TOP3A: variants seen among roughly 807,000 people sequenced by gnomAD.
TOP3A encodes DNA topoisomerase III alpha.
A neutral mutation model predicts 111.3 loss-of-function variants in TOP3A; 64 were observed. That is an observed-to-expected ratio of 0.57 (90% CI 0.47 to 0.71). The LOEUF (loss-of-function observed/expected upper bound fraction) is 0.71. Ranked by LOEUF, TOP3A falls within the 30% of genes least tolerant of loss-of-function variation. The probability of loss-of-function intolerance (pLI) is 0.00; values close to 1 mark genes in which losing one functional copy is unlikely to be tolerated. For missense variants in TOP3A, 1,104 were observed against 1,285.0 expected (o/e 0.86, Z 2.15); for synonymous variants, 484 against 485.1 (o/e 1.00, Z 0.03).
Position 18,285,325 on chromosome 17 carries a change from A to G in TOP3A, c.1712-18T>C. 6.2e-7 allele frequency: 1 copy of G among 1,613,758 alleles called. No individual in the cohort carries two copies. The highest frequency in any genetic ancestry group is 8.5e-7 in the Non-Finnish European group (1 of 1,179,790). ...ATCATAACCTGCAGGGAGAGAGTCGAGCTCAGTGAGGGCCCACCTGAGACC... is the reference window on the plus strand; with the variant it reads ...ATCATAACCTGCAGGGAGAGAGTCGGGCTCAGTGAGGGCCCACCTGAGACC... On this transcript the variant is annotated intron_variant, in intron 14 of 18. Coordinates refer to ENST00000321105, the MANE Select transcript of TOP3A (RefSeq NM_004618.5).
At chr17:18,309,213 C>A (rs1023284633) in intron 1 of TOP3A, among the ~76,000 whole-genome samples, 27 of 152,004 alleles carry the variant, frequency 1.8e-4, no homozygotes, top group Non-Finnish European at 1.5e-5. Context: ...ATAAAAAAAA[C>A]AAGTAAAATA....
chr17:18,285,082 A>T (rs1201438458), intron 15 of TOP3A, 60 bp downstream of exon 15: 1 of 1,574,532 alleles, frequency 6.4e-7, no homozygotes, highest in Admixed American at 1.7e-5. Context: ...TGAGGCCAGG[A>T]GTTCAAGACC....
chr17:18,284,993 A>G, intron 15 of TOP3A, 149 bp downstream of exon 15: 2 of 900,320 alleles, frequency 2.2e-6, no homozygotes, highest in Non-Finnish European at 3.4e-6. Flanking sequence ...TGGCAGGGTT[A>G]TAAACTCTGA....
Position 18,278,227 on chromosome 17 carries a change from C to A in TOP3A, c.2275G>T (p.Ala759Ser). 2 of 1,586,244 alleles carry A rather than the reference C, an allele frequency of 1.3e-6. No homozygotes were observed. The highest frequency in any genetic ancestry group is 1.1e-5 in the South Asian group (1 of 87,848). The stretch of plus-strand genomic sequence containing the variant: ...TGCAGGCGGCCAGAGGGCTGGCTAG[C>A]CCTGGGGGGGCCCCCTGAAAATCTC... ...DLRFSGGPPRASQPSGRLQAN... is the reference protein window; with the variant it reads ...DLRFSGGPPRSSQPSGRLQAN... The change falls in exon 18 of 19, where the codon GCT becomes TCT. Residue 759 changes from alanine to serine, a missense_variant. Physicochemically the swap from Ala to Ser is moderately conservative, Grantham distance 99. Transcript: ENST00000321105.
chr17:18,280,380 G>A (rs1025809763), intron 17 of TOP3A, 156 bp downstream of exon 17: 4 of 791,258 alleles, frequency 5.1e-6, no homozygotes, highest in Admixed American at 3.0e-5. Flanking sequence ...CAACAGAACT[G>A]GACCAGCCCT....
Position 18,278,026 on chromosome 17 carries a change from T to C in TOP3A, c.2476A>G (p.Lys826Glu), listed in dbSNP as rs1432269644. 1 of 1,614,142 alleles carries C rather than the reference T, an allele frequency of 6.2e-7. No individual in the cohort carries two copies. Among genetic ancestry groups the C allele is most frequent in the South Asian group, 1.1e-5 (1 of 91,090 alleles). Residue 826 changes from lysine (K) to glutamate (E), a missense_variant, in exon 18 of 19, where the codon AAG becomes GAG. Physicochemically the swap from Lys to Glu is moderately conservative, Grantham distance 56. Coordinates refer to ENST00000321105, the MANE Select transcript of TOP3A (RefSeq NM_004618.5). ...TGCCGGCCCCGGTTGGGGCCCTCCT[T>C]ACGGACAGTGAGCAGCACAGCCTCC... ...GQEAVLLTVR[K>E]EGPNRGRQFF...
intron 14 of TOP3A, 39 bp downstream of exon 14, chr17:18,285,368 C>T: frequency 6.2e-7 from 1 of 1,613,016 alleles, no homozygotes; most frequent in Non-Finnish European, 8.5e-7. Flanking sequence ...ACTTGGGCGA[C>T]ACCACCCACT....
chr17:18,308,241 AAAAAAAAAAAAAAAAAAATTACCCAGT>A, intron 3 of TOP3A, 83 bp downstream of exon 3: 1 of 239,706 alleles, frequency 4.2e-6, no homozygotes, highest in Non-Finnish European at 7.2e-6. Context: ...AAAAAAAAAA[AAAAAAAAAAAAAAAAAAATTACCCAGT>A]AAGATCAACA....
chr17:18,285,452 C>T lies in TOP3A; in HGVS notation c.1666G>A (p.Asp556Asn), dbSNP rs35927440. The stretch of plus-strand genomic sequence containing the variant: ...AGGTGCCCAGGGAGGAACCGCTTGT[C>T]TGGGGTGAGGCCCACGTACATCCGG... The part of the protein sequence containing the change: ...KARMYVGLTP[D>N]KRFLPGHLGM... The change falls in exon 14 of 19, where the codon GAC (aspartate) becomes AAC (asparagine). Residue 556 changes from aspartate to asparagine, a missense_variant. Physicochemically the swap from Asp to Asn is conservative, Grantham distance 23. Transcript: ENST00000321105. The T allele has an allele frequency of 1.1e-5, 17 of 1,614,032 alleles. No homozygotes were observed. The highest frequency in any genetic ancestry group is 1.4e-5 in the Non-Finnish European group (17 of 1,180,042).
In TOP3A at chr17:18,277,847, G is replaced by A; in HGVS notation, c.2655C>T (p.Gly885=). 2 of 1,614,130 alleles carry A rather than the reference G, an allele frequency of 1.2e-6. No individual in the cohort carries two copies. The highest frequency in any genetic ancestry group is 1.7e-6 in the Non-Finnish European group (2 of 1,180,018). The stretch of plus-strand genomic sequence containing the variant: ...CACTACCACTGCCATCACCAGGGTT[G>A]CCAAACCCACCTAGGTGGATCCCTG... The part of the protein sequence containing the change: ...PGPGIHLGGF[G]NPGDGSGSGT... The change falls in exon 18 of 19, where the codon GGC becomes GGT. Residue 885 remains glycine, a synonymous_variant. Transcript: ENST00000321105.
chr17:18,290,889 C>T lies in TOP3A; in HGVS notation c.1420G>A (p.Ala474Thr). The T allele has an allele frequency of 6.2e-7, 1 of 1,614,224 alleles. No individual in the cohort carries two copies. The highest frequency in any genetic ancestry group is 1.1e-5 in the South Asian group (1 of 91,088). The change falls in exon 12 of 19, where the codon GCC becomes ACC. Residue 474 changes from alanine (A) to threonine (T), a missense_variant. By Grantham distance (58) the Ala-to-Thr change is moderately conservative. Transcript: ENST00000321105. The part of the protein sequence containing the change: ...RFVAHGLMIL[A>T]RNYLDVYPYD... ...GGATACACATCCAGATAGTTTCGGGCCAGAATCATGAGGCCATGGGCCACA... is the reference window on the plus strand; with the variant it reads ...GGATACACATCCAGATAGTTTCGGGTCAGAATCATGAGGCCATGGGCCACA...
intron 7 of TOP3A, 48 bp from the exon 8 acceptor site, chr17:18,302,033 CATG>C (rs1567748523): frequency 6.4e-7 from 1 of 1,551,480 alleles, no homozygotes; most frequent in South Asian, 1.1e-5. Flanking sequence ...AGAGACATGT[CATG>C]ATATGACAGA....
intron 11 of TOP3A, among the ~76,000 whole-genome samples, 185 bp from the exon 12 acceptor site, chr17:18,291,212 T>C (rs1980458141): frequency 6.6e-6 from 1 of 152,220 alleles, no homozygotes; most frequent in Admixed American, 6.5e-5. Context: ...TTGACACATC[T>C]CACAACTCAA....
intron 13 of TOP3A, among the ~76,000 whole-genome samples, chr17:18,289,159 T>C (rs911213264): frequency 1.3e-5 from 2 of 152,196 alleles, no homozygotes; most frequent in African/African-American, 4.8e-5. Flanking sequence ...ATTACAGGCA[T>C]GTGCCACCAC....
At chr17:18,282,562 A>G (rs941601254) in intron 16 of TOP3A, 136 bp downstream of exon 16, 2 of 1,259,464 alleles carry the variant, frequency 1.6e-6, no homozygotes, top group African/African-American at 3.0e-5. Flanking sequence ...TTTTAGGCCA[A>G]CACCTTGCCT....
intron 7 of TOP3A, 90 bp from the exon 8 acceptor site, chr17:18,302,075 A>G (rs1981265854): frequency 7.0e-7 from 1 of 1,423,730 alleles, no homozygotes; most frequent in South Asian, 1.2e-5. Context: ...GGTGAAAGTC[A>G]AACGAATATC....
rs1188861311 is a variant in TOP3A at position 18,302,364 on chromosome 17, G to C, written c.714C>G (p.Leu238=). The C allele has an allele frequency of 6.2e-7, 1 of 1,613,172 alleles. No homozygotes were observed. Among genetic ancestry groups the C allele is most frequent in the Admixed American group, 1.7e-5 (1 of 59,986 alleles). The change falls in exon 7 of 19, where the codon CTC becomes CTG. Residue 238 remains leucine (L), a synonymous_variant. Coordinates refer to ENST00000321105, the MANE Select transcript of TOP3A (RefSeq NM_004618.5). ...GGAACTGGCAGCTGCCGTAACTGAT[G>C]AGCTGCTCTGCCAGCACCTCAGGAA... The part of the protein sequence containing the change: ...RIFPEVLAEQ[L]ISYGSCQFPT...
chr17:18,294,103 C>G (rs1980647661), intron 10 of TOP3A, among the ~76,000 whole-genome samples: 1 of 152,150 alleles, frequency 6.6e-6, no homozygotes, highest in African/African-American at 2.4e-5. Context: ...AGGAGTTTCA[C>G]AGGCAAACAA....
In TOP3A at chr17:18,274,712, C is replaced by A; in HGVS notation, c.*90G>T. ...AACACTGTCCTCTAAGTTTCCAGGA[C>A]ACTAAATGGCCACTTGGTCCTGGTT... On this transcript the variant is annotated 3_prime_UTR_variant, in exon 19 of 19. Coordinates refer to ENST00000321105, the MANE Select transcript of TOP3A (RefSeq NM_004618.5). The A allele has an allele frequency of 6.5e-7, 1 of 1,528,588 alleles. No homozygotes were observed. The highest frequency in any genetic ancestry group is 8.8e-7 in the Non-Finnish European group (1 of 1,137,566). 94.7% of individuals were successfully genotyped at this position (1,528,588 alleles called of 1,614,324 possible).
Sources: allele counts gnomAD v4.1 joint callset (sites outside exome capture counted in the v4.1 genomes callset), GRCh38; gene constraint gnomAD v4.1.1; transcripts MANE v1.5; gene names NCBI Gene and HGNC (gene_info 2026-07-23, HGNC 2026-07-21).